Variants in ST6GALNAC5 observed in about 807,000 individuals in gnomAD.
The protein encoded by ST6GALNAC5 is ST6 N-acetylgalactosaminide alpha-2,6-sialyltransferase 5, also known as alpha-N-acetylgalactosaminide alpha-2,6-sialyltransferase 5.
Under a neutral mutation model 33.6 loss-of-function variants are expected in ST6GALNAC5, and 27 were observed. That is an observed-to-expected ratio of 0.80 (90% CI 0.59 to 1.11). The LOEUF is 1.11. Among genes scored for constraint, ST6GALNAC5 ranks in the 50% least tolerant of loss-of-function variants. The probability of loss-of-function intolerance (pLI) is 0.00; values close to 1 mark genes in which losing one functional copy is unlikely to be tolerated. For synonymous variants in ST6GALNAC5, 194 were observed against 171.2 expected, an observed-to-expected ratio of 1.13 and a Z score of -1.04; for missense variants, 428 against 454.0, an observed-to-expected ratio of 0.94 and a Z score of 0.52.
intron 2 of ST6GALNAC5, among the ~76,000 whole-genome samples, chr1:76,965,221 C>CG (rs961195300): frequency 1.3e-5 from 2 of 150,774 alleles, no homozygotes; most frequent in Admixed American, 6.6e-5. Context: ...TACCACCCCC[C>CG]CCACCAACAG....
intron 2 of ST6GALNAC5, among the ~76,000 whole-genome samples, chr1:76,895,914 G>A (rs1240224648): frequency 6.6e-6 from 1 of 152,206 alleles, no homozygotes; most frequent in East Asian, 1.9e-4. Context: ...GGACAGGTCT[G>A]ACTTCTGAGA....
intron 2 of ST6GALNAC5, among the ~76,000 whole-genome samples, chr1:76,978,544 G>C (rs1384840976): frequency 1.3e-5 from 2 of 152,194 alleles, no homozygotes; most frequent in Middle Eastern, 3.2e-3. Flanking sequence ...CATTTTAATA[G>C]ATGCTGAAAA....
At chr1:76,992,359 A>G (rs776336236) in intron 2 of ST6GALNAC5, among the ~76,000 whole-genome samples, 4 of 152,182 alleles carry the variant, frequency 2.6e-5, no homozygotes, top group Non-Finnish European at 5.9e-5. Context: ...ACCTTCACAT[A>G]GGTTCTCAGT....
At chr1:76,983,325 A>T (rs904096905) in intron 2 of ST6GALNAC5, among the ~76,000 whole-genome samples, 3 of 152,192 alleles carry the variant, frequency 2.0e-5, no homozygotes, top group Non-Finnish European at 2.9e-5. Flanking sequence ...AGATCTACCA[A>T]GCAAATAGAA....
At chr1:76,926,568 G>A (rs1438696374) in intron 2 of ST6GALNAC5, among the ~76,000 whole-genome samples, 1 of 152,186 alleles carries the variant, frequency 6.6e-6, no homozygotes, top group Non-Finnish European at 1.5e-5. Flanking sequence ...GTTCTAGAAT[G>A]TACGCAGCTA....
At chr1:77,021,322 G>A (rs905656005) in intron 2 of ST6GALNAC5, among the ~76,000 whole-genome samples, 28 of 152,164 alleles carry the variant, frequency 1.8e-4, no homozygotes, top group African/African-American at 6.5e-4. Flanking sequence ...GGGGCAGGGG[G>A]TATGTTGCTT....
intron 2 of ST6GALNAC5, among the ~76,000 whole-genome samples, chr1:76,948,606 A>T (rs935175243): frequency 6.6e-6 from 1 of 151,498 alleles, no homozygotes; most frequent in Admixed American, 6.6e-5. Context: ...AGAGAGAGAG[A>T]GAGAGAGAGA....
At chr1:77,022,786 T>C (rs1265400441) in intron 2 of ST6GALNAC5, among the ~76,000 whole-genome samples, 1 of 152,238 alleles carries the variant, frequency 6.6e-6, no homozygotes, top group African/African-American at 2.4e-5. Context: ...GGATACTTTT[T>C]TGTATTGGCC....
At chr1:76,939,414 C>T (rs1470033786) in intron 2 of ST6GALNAC5, among the ~76,000 whole-genome samples, 1 of 152,000 alleles carries the variant, frequency 6.6e-6, no homozygotes, top group Non-Finnish European at 1.5e-5. Flanking sequence ...AAAATCAGGA[C>T]CCACTGTCGA....
rs1213080540 is a variant in ST6GALNAC5 at position 76,898,270 on chromosome 1, C to A, written c.261+29528C>A. 2.6e-5 allele frequency among the ~76,000 whole-genome samples: 4 copies of A among 152,206 alleles called. No individual in the cohort carries two copies. The East Asian group carries it at 7.7e-4, about 29-fold the overall frequency. ...GGGGGAGGAGGTTCTGGAGGAACCCCTGGCAGCTGCGGTTCAGGCCTTTGG... is the reference window on the plus strand; with the variant it reads ...GGGGGAGGAGGTTCTGGAGGAACCCATGGCAGCTGCGGTTCAGGCCTTTGG... On this transcript the variant is annotated intron_variant, in intron 2 of 4. Transcript: ENST00000477717.
rs1334508184 is a variant in ST6GALNAC5, at chr1:76,882,206, C to T, written c.261+13464C>T. Among the ~76,000 whole-genome samples the T allele has an allele frequency of 2.0e-5, 3 of 152,156 alleles. No homozygotes were observed. The East Asian group carries it at 5.8e-4, about 29-fold the overall frequency. On this transcript the variant is annotated intron_variant, in intron 2 of 4. Coordinates refer to ENST00000477717, the MANE Select transcript of ST6GALNAC5 (RefSeq NM_030965.3). ...GGTGTTTCAGAGACCACACATAATG[C>T]ATGGTACTAATTAATTGAAACAATT...
At chr1:77,035,616 G>A (rs1348390580) in intron 2 of ST6GALNAC5, among the ~76,000 whole-genome samples, 1 of 152,042 alleles carries the variant, frequency 6.6e-6, no homozygotes. Flanking sequence ...TGGAGGGTGG[G>A]GCATAGTAGA....
At chr1:76,899,603 T>A (rs1646795162) in intron 2 of ST6GALNAC5, among the ~76,000 whole-genome samples, 1 of 152,122 alleles carries the variant, frequency 6.6e-6, no homozygotes, top group African/African-American at 2.4e-5. Context: ...CAGAGAGGCA[T>A]CCTTGCAATG....
intron 2 of ST6GALNAC5, among the ~76,000 whole-genome samples, chr1:76,992,762 T>C (rs1009323462): frequency 6.6e-6 from 1 of 152,184 alleles, no homozygotes; most frequent in Non-Finnish European, 1.5e-5. Flanking sequence ...TCCAAAGTGC[T>C]GGTATTACAG....
At chr1:77,003,527 T>G (rs1034713606) in intron 2 of ST6GALNAC5, among the ~76,000 whole-genome samples, 2 of 144,008 alleles carry the variant, frequency 1.4e-5, no homozygotes, top group Non-Finnish European at 3.1e-5. Flanking sequence ...AATTTGATCC[T>G]GTCATTATGA....
intron 2 of ST6GALNAC5, among the ~76,000 whole-genome samples, chr1:76,907,704 T>A (rs894009004): frequency 6.6e-6 from 1 of 152,128 alleles, no homozygotes; most frequent in African/African-American, 2.4e-5. Flanking sequence ...ATGTGTTTCA[T>A]TGACATGAGT....
At position 76,868,674 on chromosome 1, in the gene ST6GALNAC5, C is replaced by T. The variant is rs1653420015; in HGVS notation, c.193C>T (p.Gln65Ter). ...SSQPAAESSTQQRPGVPAGPR... is the reference protein window; with the variant it reads ...SSQPAAESST ...GCAGCCGGCGGCGGAGAGCAGCACC[C>T]AGCAGCGCCCCGGGGTCCCCGCGGG... Residue 65 changes from glutamine (Q) to a stop codon, truncating the protein, a stop_gained, in exon 2 of 5, where the codon CAG (glutamine) becomes TAG (stop). Coordinates refer to ENST00000477717, the MANE Select transcript of ST6GALNAC5 (RefSeq NM_030965.3). LOFTEE classifies it high-confidence loss of function. This position sits in a 1 kb window ranked among gnomAD's most constrained non-coding sequence, Gnocchi z 4.3. 2 of 1,567,938 alleles carry T rather than the reference C, an allele frequency of 1.3e-6. No homozygotes were observed. The highest frequency in any genetic ancestry group is 1.4e-5 in the African/African-American group (1 of 73,582).
chr1:76,904,226 A>G (rs992805851), intron 2 of ST6GALNAC5, among the ~76,000 whole-genome samples: 2 of 152,158 alleles, frequency 1.3e-5, no homozygotes, highest in Non-Finnish European at 2.9e-5. Context: ...TCTACTACAC[A>G]TGTCTGCGAG....
intron 2 of ST6GALNAC5, among the ~76,000 whole-genome samples, chr1:76,894,372 T>G (rs1038995583): frequency 6.6e-5 from 10 of 152,024 alleles, no homozygotes; most frequent in Non-Finnish European, 1.5e-4. Context: ...GTGGCAGCAA[T>G]GTTTGCGAGC....
Sources: allele counts gnomAD v4.1 joint callset (sites outside exome capture counted in the v4.1 genomes callset), GRCh38; gene constraint gnomAD v4.1.1; non-coding constraint Gnocchi (gnomAD v3.1); transcripts MANE v1.5; gene names NCBI Gene and HGNC (gene_info 2026-07-23, HGNC 2026-07-21).